NRG1: variants seen among roughly 807,000 people sequenced by gnomAD.
NRG1 encodes the protein neuregulin 1, also known as pro-neuregulin-1, membrane-bound isoform.
Under a neutral mutation model 63.8 loss-of-function variants are expected in NRG1, and 18 were observed. The ratio of observed to expected loss-of-function variants is 0.28; its 90% CI spans 0.19 to 0.42. The LOEUF is 0.42. Ranked by LOEUF, NRG1 falls within the 10% of genes least tolerant of loss-of-function variation. The pLI is 1.00. For missense variants in NRG1, 762 were observed against 814.7 expected (o/e 0.94, Z 0.79); for synonymous variants, 302 against 301.3 (o/e 1.00, Z -0.02).
rs1314004495 is a variant in NRG1 at position 32,293,672 on chromosome 8, T to C, written c.38-302156T>C. On this transcript the variant is annotated intron_variant, in intron 1 of 10. Coordinates refer to the NRG1 transcript ENST00000519301. Reference sequence around the variant, plus strand: ...TATTTTTTTATTTTTATTTTTTACATTGAGGTTCTCTTTATTTTTTACTAT... The same window carrying C: ...TATTTTTTTATTTTTATTTTTTACACTGAGGTTCTCTTTATTTTTTACTAT... 4.0e-5 allele frequency among the ~76,000 whole-genome samples: 6 copies of C among 151,608 alleles called. No individual in the cohort carries two copies. In the East Asian group the frequency reaches 1.2e-3, roughly 29 times the overall value.
At chr8:32,433,997 C>A (rs991114487) in intron 1 of NRG1, among the ~76,000 whole-genome samples, 2 of 151,878 alleles carry the variant, frequency 1.3e-5, no homozygotes, top group African/African-American at 4.8e-5. Context: ...ACTATCCTGG[C>A]CAACATGGTG....
At position 31,958,606 on chromosome 8, in the gene NRG1, G is replaced by A. The variant is rs553980879; in HGVS notation, c.37+319175G>A. On this transcript the variant is annotated intron_variant, in intron 1 of 10. Transcript: ENST00000519301. ...CTAAGTGGAGACAGAGTCTTGCATG[G>A]CAGGAAGCTTCCTAAGGTGACCACT... Among the ~76,000 whole-genome samples the A allele has an allele frequency of 8.3e-4, 127 of 152,304 alleles. 1 individual carries two copies. Among genetic ancestry groups the A allele is most frequent in the Admixed American group, 1.6e-3 (25 of 15,304 alleles).
At chr8:32,510,707 CA>C (rs761880592) in intron 1 of NRG1, among the ~76,000 whole-genome samples, 34 of 152,126 alleles carry the variant, frequency 2.2e-4, no homozygotes, top group Admixed American at 8.5e-4. Context: ...GCCAGGCACC[CA>C]GAAGCCTCAG....
At chr8:32,624,113 G>A (rs146632675) in intron 5 of NRG1, among the ~76,000 whole-genome samples, 538 of 152,276 alleles carry the variant, frequency 3.5e-3, no homozygotes, top group Non-Finnish European at 6.2e-3. Flanking sequence ...GGGACTTGAC[G>A]TTCAGAAATC....
chr8:31,732,831 G>A (rs567395272), intron 1 of NRG1, among the ~76,000 whole-genome samples: 89 of 152,232 alleles, frequency 5.8e-4, no homozygotes, highest in Non-Finnish European at 1.1e-3. Context: ...GGAGGCAGAG[G>A]TTGCAGTGAG....
intron 5 of NRG1, among the ~76,000 whole-genome samples, chr8:32,719,782 A>G (rs927818846): frequency 6.6e-6 from 1 of 152,064 alleles, no homozygotes; most frequent in African/African-American, 2.4e-5. Context: ...TTTTTTAAAG[A>G]AACCAGGTTG....
At chr8:31,892,829 C>T (rs1262607971) in intron 1 of NRG1, among the ~76,000 whole-genome samples, 1 of 152,004 alleles carries the variant, frequency 6.6e-6, no homozygotes, top group Non-Finnish European at 1.5e-5. Context: ...AACGTATTTA[C>T]TTAATGTGAT....
intron 1 of NRG1, among the ~76,000 whole-genome samples, chr8:31,825,968 G>A (rs2129604441): frequency 6.6e-6 from 1 of 152,302 alleles, no homozygotes; most frequent in East Asian, 1.9e-4. Context: ...ATGAATGCTA[G>A]ATTCATGCTT....
chr8:31,849,751 A>C (rs1187848963), intron 1 of NRG1, among the ~76,000 whole-genome samples: 1 of 152,168 alleles, frequency 6.6e-6, no homozygotes, highest in Non-Finnish European at 1.5e-5. Context: ...GGTGATGAAG[A>C]ATGCCAATTC....
chr8:32,605,662 A>G (rs1845137117), exon 3 of NRG1: 1 of 1,613,294 alleles, frequency 6.2e-7, no homozygotes, highest in East Asian at 2.2e-5. Flanking sequence ...CTCTGCCAAT[A>G]TCACCATCGT....
At chr8:31,749,334 AT>A in intron 1 of NRG1, among the ~76,000 whole-genome samples, 1 of 151,902 alleles carries the variant, frequency 6.6e-6, no homozygotes. Flanking sequence ...AAAAACCTTC[AT>A]TCACAATAAA....
At position 31,640,557 on chromosome 8, in the gene NRG1, C is replaced by T. The variant is rs199760025; in HGVS notation, c.37+1126C>T. ...TGCGCCTGGGGACCTGGGGCCACCC[C>T]GCCTTCCCCTCCTGCGGGAGGCTCA... On this transcript the variant is annotated intron_variant, in intron 1 of 10. Transcript: ENST00000519301. The surrounding 1 kb of genome is among the most constrained non-coding windows in gnomAD (Gnocchi z 6.3). The T allele has an allele frequency of 1.9e-6, 3 of 1,611,694 alleles. No homozygotes were observed. In the South Asian group the frequency reaches 3.3e-5, roughly 18 times the overall value.
At chr8:32,245,655 T>C (rs538643595) in intron 1 of NRG1, among the ~76,000 whole-genome samples, 7 of 152,270 alleles carry the variant, frequency 4.6e-5, no homozygotes, top group African/African-American at 1.7e-4. Flanking sequence ...TCAAAAATAA[T>C]CTCAAAGAAA....
chr8:32,130,189 T>C (rs1369585057), intron 1 of NRG1, among the ~76,000 whole-genome samples: 1 of 151,932 alleles, frequency 6.6e-6, no homozygotes. Flanking sequence ...CATTGATGTC[T>C]TTTCCTTCCA....
intron 1 of NRG1, among the ~76,000 whole-genome samples, chr8:31,866,959 T>G (rs1829013945): frequency 6.8e-6 from 1 of 147,090 alleles, no homozygotes; most frequent in Non-Finnish European, 1.5e-5. Flanking sequence ...ACTCAGTAAT[T>G]TTTAGGGATT....
chr8:31,854,194 T>C (rs1419358486), intron 1 of NRG1, among the ~76,000 whole-genome samples: 1 of 151,488 alleles, frequency 6.6e-6, no homozygotes, highest in East Asian at 1.9e-4. Flanking sequence ...ATGGTACCAG[T>C]TCCTCCTTGT....
At chr8:32,314,795 G>A (rs913895903) in intron 1 of NRG1, among the ~76,000 whole-genome samples, 2 of 152,118 alleles carry the variant, frequency 1.3e-5, no homozygotes, top group Non-Finnish European at 2.9e-5. Flanking sequence ...TTGTTTCCAT[G>A]TGCATTTCCA....
intron 1 of NRG1, among the ~76,000 whole-genome samples, chr8:32,582,069 CTATTTTATTT>C (rs71208197): frequency 2.1e-5 from 3 of 145,154 alleles, no homozygotes. Context: ...ACCATGAACT[CTATTTTATTT>C]TATTTTATTT....
At chr8:32,096,767 C>G (rs1303824406) in intron 1 of NRG1, among the ~76,000 whole-genome samples, 2 of 152,136 alleles carry the variant, frequency 1.3e-5, no homozygotes, top group African/African-American at 4.8e-5. Context: ...CTCCCCACTC[C>G]CTGGGTAAGG....
Sources: allele counts gnomAD v4.1 joint callset (sites outside exome capture counted in the v4.1 genomes callset), GRCh38; gene constraint gnomAD v4.1.1; non-coding constraint Gnocchi (gnomAD v3.1); transcripts MANE v1.5; gene names NCBI Gene and HGNC (gene_info 2026-07-23, HGNC 2026-07-21).